MTMR10: variants seen among roughly 807,000 people sequenced by gnomAD.
The protein encoded by MTMR10 is myotubularin-related protein 10.
Under a neutral mutation model 88.1 loss-of-function variants are expected in MTMR10, and 56 were observed. The ratio of observed to expected loss-of-function variants is 0.64; its 90% confidence interval spans 0.51 to 0.79. MTMR10 has a LOEUF of 0.79. Ranked by LOEUF, MTMR10 falls within the 30% of genes least tolerant of loss-of-function variation. The pLI is 0.00. For synonymous variants in MTMR10, 380 were observed against 340.9 expected (o/e 1.11, Z -1.26); for missense variants, 883 against 924.7 (o/e 0.95, Z 0.58).
chr15:30,944,739 G>A (rs765096469), intron 14 of MTMR10, among the ~76,000 whole-genome samples: 2 of 152,002 alleles, frequency 1.3e-5, no homozygotes, highest in Non-Finnish European at 2.9e-5. Context: ...GGCCAAGCAC[G>A]GTGGCTCACG....
At chr15:30,929,260 G>T in the MTMR10 span, 3 of 1,613,554 alleles carry the variant, frequency 1.9e-6, no homozygotes, top group East Asian at 6.7e-5. Flanking sequence ...CCCAGCCCTT[G>T]AGGCCAGGCT....
Position 30,940,884 on chromosome 15 carries a change from G to T in MTMR10, c.*586C>A. ...AATTAACAGTGCATATCATTTTAAA[G>T]TTGACCCTATGAAGTTAAAAGCAAA... On this transcript the variant is annotated 3_prime_UTR_variant, in exon 16 of 16. Transcript: ENST00000435680. 2 of 1,017,020 alleles carry T rather than the reference G, an allele frequency of 2.0e-6. No individual in the cohort carries two copies. Among genetic ancestry groups the T allele is most frequent in the Non-Finnish European group, 2.4e-6 (2 of 848,984 alleles). 63.0% of individuals were successfully genotyped at this position (1,017,020 alleles called of 1,614,324 possible). A position where few individuals can be genotyped will look rare whatever the true frequency, so the allele number is the denominator to read the frequency against.
In MTMR10 at chr15:30,940,303, G is replaced by GCAAA. The variant is rs1347850629; in HGVS notation, c.*1163_*1166dup. ...TTTACTTTAGAGAGATTCAGATCAA[G>GCAAA]CAAACAACTGTGTCTGCTCATTCTC... is the stretch of plus-strand genomic sequence containing the variant. On this transcript the variant is annotated 3_prime_UTR_variant, in exon 16 of 16. Coordinates refer to ENST00000435680, the MANE Select transcript of MTMR10 (RefSeq NM_017762.3). The GCAAA allele has an allele frequency of 1.7e-5, 17 of 985,284 alleles. No homozygotes were observed. Among genetic ancestry groups the GCAAA allele is most frequent in the Non-Finnish European group, 2.0e-5 (17 of 829,940 alleles). The allele number at this position is 985,284 out of a possible 1,614,324, so 61.0% of individuals were successfully genotyped here.
At position 30,961,046 on chromosome 15, in the gene MTMR10, C is replaced by T. The variant is rs2063395135; in HGVS notation, c.593G>A (p.Gly198Glu). 6.4e-7 allele frequency: 1 copy of T among 1,553,282 alleles called. No individual in the cohort carries two copies. Among genetic ancestry groups the T allele is most frequent in the African/African-American group, 1.4e-5 (1 of 73,234 alleles). Residue 198 changes from glycine to glutamate, a missense_variant, in exon 7 of 16, where the codon GGA (glycine) becomes GAA (glutamate). By Grantham distance (98) the Gly-to-Glu change is moderately conservative. Coordinates refer to ENST00000435680, the MANE Select transcript of MTMR10 (RefSeq NM_017762.3). The stretch of plus-strand genomic sequence containing the variant: ...TCCTCCTCCTCCTCCTCCTCCATCT[C>T]CTGAGGGAATTCCATTAATTTTGTT... ...SANKINGIPS[G>E]DGGGGGGGGN...
At chr15:30,928,479 T>G in the MTMR10 span, 12 of 1,578,246 alleles carry the variant, frequency 7.6e-6, no homozygotes, top group South Asian at 1.2e-5. Context: ...TATGGTGGTG[T>G]TTTGGAAGAA....
At chr15:30,975,551 G>A (rs1371784035) in intron 3 of MTMR10, among the ~76,000 whole-genome samples, 1 of 152,152 alleles carries the variant, frequency 6.6e-6, no homozygotes, top group Non-Finnish European at 1.5e-5. Flanking sequence ...TTACAGTGAA[G>A]TCTGGGGCCA....
chr15:30,938,938 A>G (rs2062947135), downstream of MTMR10: 1 of 985,428 alleles, frequency 1.0e-6, no homozygotes, highest in Non-Finnish European at 1.2e-6. Context: ...ACTGACAACA[A>G]CAAACAGTCG....
intron 11 of MTMR10, 58 bp downstream of exon 11, chr15:30,953,504 A>G: frequency 7.6e-7 from 1 of 1,312,272 alleles, no homozygotes; most frequent in Non-Finnish European, 1.1e-6. Context: ...ACCTCCAGTG[A>G]GTCTGTAGTT....
rs528658515 is a variant in MTMR10, at chr15:30,962,950, T to C, written c.566-1877A>G. On this transcript the variant is annotated intron_variant, in intron 6 of 15. Coordinates refer to ENST00000435680, the MANE Select transcript of MTMR10 (RefSeq NM_017762.3). ...GTAGGCATGCTAGACAGAGAAGAACTTTAAAAAGATGGTATAACTGTATAA... is the reference window on the plus strand; with the variant it reads ...GTAGGCATGCTAGACAGAGAAGAACCTTAAAAAGATGGTATAACTGTATAA... Among the ~76,000 whole-genome samples the C allele has an allele frequency of 3.9e-5, 6 of 152,222 alleles. No homozygotes were observed. In the South Asian group the frequency reaches 1.2e-3, roughly 32 times the overall value.
chr15:30,960,240 C>G (rs913129067), intron 7 of MTMR10, among the ~76,000 whole-genome samples: 1 of 149,874 alleles, frequency 6.7e-6, no homozygotes, highest in African/African-American at 2.5e-5. Context: ...TTGACACCCT[C>G]TAAGCCCACT....
At chr15:30,942,184 CAAAG>C (rs1479938655) in intron 15 of MTMR10, 112 bp from the exon 16 acceptor site, 2 of 1,305,684 alleles carry the variant, frequency 1.5e-6, no homozygotes, top group Admixed American at 2.3e-5. Context: ...ATTTCAGCCT[CAAAG>C]AACATTTTCC....
chr15:30,955,389 C>G (rs576838870), intron 9 of MTMR10, among the ~76,000 whole-genome samples: 35 of 152,222 alleles, frequency 2.3e-4, no homozygotes, highest in Admixed American at 3.9e-4. Context: ...TCCTGCCTCA[C>G]CCTCCCGAGT....
chr15:30,990,716 G>A (rs2031257380), intron 2 of MTMR10, 61 bp downstream of exon 2: 5 of 1,419,062 alleles, frequency 3.5e-6, no homozygotes, highest in East Asian at 4.7e-5. Flanking sequence ...CTAGTCGGCA[G>A]AATAATCTTA....
At chr15:30,925,939 G>C in the MTMR10 span, 3 of 1,613,936 alleles carry the variant, frequency 1.9e-6, no homozygotes, top group Non-Finnish European at 2.5e-6. Context: ...TTTTGACCAG[G>C]GTAACTGAGC....
rs1417412776 is a variant in MTMR10 at position 30,947,220 on chromosome 15, G to T, written c.1458C>A (p.Thr486=). 6.2e-7 allele frequency: 1 copy of T among 1,613,962 alleles called. No homozygotes were observed. Among genetic ancestry groups the T allele is most frequent in the South Asian group, 1.1e-5 (1 of 91,060 alleles). Residue 486 remains threonine, a synonymous_variant, in exon 14 of 16, where the codon ACC becomes ACA. Transcript: ENST00000435680. ...QYPAAFEFSE[T]YLAVLYDSTR... ...TGCTGTCATACAACACTGCCAGGTA[G>T]GTTTCGGAGAACTCAAAAGCTGCAG...
At chr15:30,929,673 TATATC>T in the MTMR10 span, among the ~76,000 whole-genome samples, 79 of 68,078 alleles carry the variant, frequency 1.2e-3, 5 homozygotes, top group African/African-American at 2.7e-3. Context: ...AAATATATAA[TATATC>T]ATATAATATA....
intron 5 of MTMR10, 22 bp downstream of exon 5, chr15:30,974,292 T>C (rs1481511334): frequency 6.4e-7 from 1 of 1,552,468 alleles, no homozygotes; most frequent in African/African-American, 1.4e-5. Context: ...ACCCAGAACT[T>C]GATAAACCTT....
chr15:30,927,894 TTCTG>T, the MTMR10 span: 1 of 985,740 alleles, frequency 1.0e-6, no homozygotes, highest in African/African-American at 1.7e-5. Flanking sequence ...AGCACCTGAC[TTCTG>T]TCTCTCAGGT....
Position 30,943,076 on chromosome 15 carries a change from C to T in MTMR10, c.1549-4G>A, listed in dbSNP as rs935983552. ...TGTTTTTGCTTATAGCAAATTCCTG[C>T]AAAATAAATAAATAAATATTTGCAA... On this transcript the variant is annotated splice_polypyrimidine_tract_variant and splice_region_variant and intron_variant, in intron 14 of 15. Coordinates refer to ENST00000435680, the MANE Select transcript of MTMR10 (RefSeq NM_017762.3). 1.3e-6 allele frequency: 2 copies of T among 1,524,338 alleles called. No individual in the cohort carries two copies. Among genetic ancestry groups the T allele is most frequent in the Admixed American group, 2.4e-5 (1 of 42,166 alleles). 94.4% of individuals were successfully genotyped at this position (1,524,338 alleles called of 1,614,324 possible). A position where few individuals can be genotyped will look rare whatever the true frequency, so the allele number is the denominator to read the frequency against.
Sources: allele counts gnomAD v4.1 joint callset (sites outside exome capture counted in the v4.1 genomes callset), GRCh38; gene constraint gnomAD v4.1.1; transcripts MANE v1.5; gene names NCBI Gene and HGNC (gene_info 2026-07-23, HGNC 2026-07-21).